Variants in EXO5 observed in about 807,000 individuals in gnomAD.
The protein encoded by EXO5 is exonuclease V.
EXO5 carries 11 observed loss-of-function variants against 17.8 expected under a neutral mutation model. The observed-to-expected ratio is 0.62, with a 90% CI of 0.39 to 1.02. EXO5 has a LOEUF of 1.02. Among genes scored for constraint, EXO5 ranks in the 50% least tolerant of loss-of-function variants. The pLI, the probability that EXO5 is intolerant of heterozygous loss-of-function variation, is 0.00. For missense variants in EXO5, 364 were observed against 434.8 expected (o/e 0.84, Z 1.45); for synonymous variants, 147 against 166.5 (o/e 0.88, Z 0.90).
At chr1:40,511,706 A>G (rs987284843) in intron 3 of EXO5, among the ~76,000 whole-genome samples, 1 of 152,182 alleles carries the variant, frequency 6.6e-6, no homozygotes, top group Non-Finnish European at 1.5e-5. Context: ...AGCTATCTCT[A>G]TCAGCTAAAA....
At position 40,515,207 on chromosome 1, in the gene EXO5, C is replaced by A. The variant is rs770404101; in HGVS notation, c.663C>A (p.Tyr221Ter). 1.9e-6 allele frequency: 3 copies of A among 1,614,032 alleles called. No homozygotes were observed. Among genetic ancestry groups the A allele is most frequent in the East Asian group, 2.2e-5 (1 of 44,870 alleles). ...KKKDCFQVSL[Y>*]KYIFDAMVQG... Reference sequence around the variant, plus strand: ...AAGACTGTTTTCAAGTCAGCCTATACAAATATATCTTTGATGCCATGGTAC... The same window carrying A: ...AAGACTGTTTTCAAGTCAGCCTATAAAAATATATCTTTGATGCCATGGTAC... Residue 221 changes from tyrosine (Y) to a stop codon, truncating the protein, a stop_gained, in exon 4 of 4, where the codon TAC (tyrosine) becomes TAA (stop). Coordinates refer to ENST00000415550, the MANE Select transcript of EXO5 (RefSeq NM_001346953.2). LOFTEE classifies it high-confidence loss of function.
Position 40,512,157 on chromosome 1 carries a change from G to A in EXO5, c.-30-2358G>A, listed in dbSNP as rs140465546. Among the ~76,000 whole-genome samples the A allele has an allele frequency of 5.2e-4, 79 of 152,296 alleles. 1 individual carries two copies. The East Asian group carries it at 0.012, about 23-fold the overall frequency. ...CTCCCAAAGTGCTGGGATTACAGGC[G>A]TGAACCACTGCGCTTGGCCGCCCAG... On this transcript the variant is annotated intron_variant, in intron 3 of 3. Coordinates refer to ENST00000415550, the MANE Select transcript of EXO5 (RefSeq NM_001346953.2).
At position 40,514,763 on chromosome 1, in the gene EXO5, G is replaced by GGA. The variant is rs1645847642; in HGVS notation, c.224_225dup (p.Phe76AspfsTer48). ...GAGGATTGGATATATTATCACCCAT[G>GGA]GAGAGATTCCACCTTAAATATTTAT... On this transcript the variant is annotated frameshift_variant, in exon 4 of 4. Transcript: ENST00000415550. LOFTEE classifies it high-confidence loss of function. 6.2e-7 allele frequency: 1 copy of GGA among 1,614,040 alleles called. No homozygotes were observed. The highest frequency in any genetic ancestry group is 1.3e-5 in the African/African-American group (1 of 74,916).
In EXO5 at chr1:40,515,761, T is replaced by G; in HGVS notation, c.*95T>G. On this transcript the variant is annotated 3_prime_UTR_variant, in exon 4 of 4. Transcript: ENST00000415550. ...CTCTGAGCTTGGCTTTTATGGAGAG[T>G]GTTCTTATTTTGGTTCTTTTTTTTA... 7.3e-7 allele frequency: 1 copy of G among 1,375,088 alleles called. No homozygotes were observed. Among genetic ancestry groups the G allele is most frequent in the Admixed American group, 2.4e-5 (1 of 41,104 alleles). The allele number at this position is 1,375,088 out of a possible 1,614,324, so 85.2% of individuals were successfully genotyped here. A position where few individuals can be genotyped will look rare whatever the true frequency, so the allele number is the denominator to read the frequency against.
chr1:40,512,098 C>T (rs1645789806), intron 3 of EXO5, among the ~76,000 whole-genome samples: 2 of 152,124 alleles, frequency 1.3e-5, no homozygotes, highest in African/African-American at 4.8e-5. Context: ...AGGATGGTCT[C>T]GATCTCCTGA....
rs1645842962 is a variant in EXO5, at chr1:40,514,584, GCCTC to G, written c.41_44del (p.Ala14GlufsTer6). On this transcript the variant is annotated frameshift_variant, in exon 4 of 4. Transcript: ENST00000415550. LOFTEE classifies it high-confidence loss of function. ...AGAAGAGGAGACAGTGTCAGCAGAA[GCCTC>G]AGGGTTCTCAGACTTGAGTGACTCA... 1 of 1,613,962 alleles carries G rather than the reference GCCTC, an allele frequency of 6.2e-7. No homozygotes were observed. The highest frequency in any genetic ancestry group is 1.7e-5 in the Admixed American group (1 of 59,968).
rs1031042872 is a variant in EXO5 at position 40,509,731 on chromosome 1, A to G, written c.-88-2A>G. On this transcript the variant is annotated splice_acceptor_variant, in intron 2 of 3. Transcript: ENST00000415550. LOFTEE classifies it low-confidence loss of function (5UTR_SPLICE). ...CTTTCAGAACTTCTTTCTCTTCCCT[A>G]GCCTTGTCATTTCAGCATTCTGGCC... 3.9e-5 allele frequency: 6 copies of G among 152,232 alleles called. No individual in the cohort carries two copies. The highest frequency in any genetic ancestry group is 1.4e-4 in the African/African-American group (6 of 41,460). The allele number at this position is 152,232 out of a possible 1,614,324, so 9.4% of individuals were successfully genotyped here.
rs759940866 is a variant in EXO5, at chr1:40,514,881, G to T, written c.337G>T (p.Val113Leu). The change falls in exon 4 of 4, where the codon GTG (valine) becomes TTG (leucine). Residue 113 changes from valine (V) to leucine (L), a missense_variant. By Grantham distance (32) the Val-to-Leu change is conservative (BLOSUM62 1). Coordinates refer to ENST00000415550, the MANE Select transcript of EXO5 (RefSeq NM_001346953.2). ...PGFLAPEKAA[V>L]LDTGASIHLA... is the part of the protein sequence containing the mutation. ...TTTCTTGGCACCTGAGAAGGCAGCTGTGTTGGACACTGGTGCCAGCATACA... is the reference window on the plus strand; with the variant it reads ...TTTCTTGGCACCTGAGAAGGCAGCTTTGTTGGACACTGGTGCCAGCATACA... 4.3e-6 allele frequency: 7 copies of T among 1,614,078 alleles called. No individual in the cohort carries two copies. The highest frequency in any genetic ancestry group is 1.3e-5 in the African/African-American group (1 of 74,944).
chr1:40,514,676 T>C lies in EXO5; in HGVS notation c.132T>C (p.Pro44=). 1 of 1,614,188 alleles carries C rather than the reference T, an allele frequency of 6.2e-7. No individual in the cohort carries two copies. The highest frequency in any genetic ancestry group is 1.7e-5 in the Admixed American group (1 of 60,016). The change falls in exon 4 of 4, where the codon CCT becomes CCC. Residue 44 remains proline (P), a synonymous_variant. Coordinates refer to ENST00000415550, the MANE Select transcript of EXO5 (RefSeq NM_001346953.2). ...AGTCAAAGGCTTTAGTTAACATGCC[T>C]GGCCCATCTTCTGAATCCCTTGGGA... is the stretch of plus-strand genomic sequence containing the variant. ...AQESKALVNM[P]GPSSESLGKD...
intron 3 of EXO5, 153 bp from the exon 4 acceptor site, chr1:40,514,362 C>G: frequency 1.7e-6 from 1 of 591,316 alleles, no homozygotes; most frequent in South Asian, 2.2e-5. Flanking sequence ...GACTATAACT[C>G]AAGGCATTAC....
chr1:40,514,275 G>A (rs1197757676), intron 3 of EXO5, among the ~76,000 whole-genome samples: 4 of 147,784 alleles, frequency 2.7e-5, no homozygotes, highest in East Asian at 4.0e-4. Context: ...GCGAGACTCC[G>A]TCTCAAAAAA....
intron 3 of EXO5, among the ~76,000 whole-genome samples, chr1:40,511,478 T>C (rs1645776558): frequency 6.6e-6 from 1 of 152,242 alleles, no homozygotes; most frequent in Non-Finnish European, 1.5e-5. Flanking sequence ...AGTCTTACTA[T>C]TGTATTATTT....
intron 3 of EXO5, among the ~76,000 whole-genome samples, chr1:40,512,394 T>C (rs1033499099): frequency 1.5e-5 from 2 of 135,792 alleles, no homozygotes; most frequent in Non-Finnish European, 1.5e-5. Flanking sequence ...ATTGTGGTTA[T>C]GAAGAAGAAT....
intron 3 of EXO5, among the ~76,000 whole-genome samples, chr1:40,513,837 C>T (rs1421689002): frequency 6.6e-6 from 1 of 151,982 alleles, no homozygotes; most frequent in East Asian, 2.0e-4. Flanking sequence ...GATCTGCCCA[C>T]CTCAGCCTCC....
In EXO5 at chr1:40,514,793, C is replaced by T. The variant is rs753968355; in HGVS notation, c.249C>T (p.Val83=). 6.2e-7 allele frequency: 1 copy of T among 1,614,174 alleles called. No homozygotes were observed. The highest frequency in any genetic ancestry group is 8.5e-7 in the Non-Finnish European group (1 of 1,180,026). Residue 83 remains valine, a synonymous_variant, in exon 4 of 4, where the codon GTC becomes GTT. Coordinates refer to ENST00000415550, the MANE Select transcript of EXO5 (RefSeq NM_001346953.2). ...MERFHLKYLY[V]TDLATQNWCE... is the part of the protein sequence containing the mutation. ...GATTCCACCTTAAATATTTATATGT[C>T]ACTGACCTGGCTACTCAGAACTGGT...
Position 40,515,344 on chromosome 1 carries a change from C to G in EXO5, c.800C>G (p.Ser267Cys), listed in dbSNP as rs369463736. 1 of 1,614,034 alleles carries G rather than the reference C, an allele frequency of 6.2e-7. No individual in the cohort carries two copies. The highest frequency in any genetic ancestry group is 8.5e-7 in the Non-Finnish European group (1 of 1,180,022). ...CAGCAGGGAGGCTTCTCTGTGAAGTCTTTGGGTGACCTCATGGAACTTGTC... is the reference window on the plus strand; with the variant it reads ...CAGCAGGGAGGCTTCTCTGTGAAGTGTTTGGGTGACCTCATGGAACTTGTC... ...HAQQGGFSVKSLGDLMELVFL... is the reference protein window; with the variant it reads ...HAQQGGFSVKCLGDLMELVFL... Residue 267 changes from serine to cysteine, a missense_variant, in exon 4 of 4, where the codon TCT (serine) becomes TGT (cysteine). Physicochemically the swap from Ser to Cys is moderately radical, Grantham distance 112 (BLOSUM62 -1). Coordinates refer to ENST00000415550, the MANE Select transcript of EXO5 (RefSeq NM_001346953.2).
chr1:40,512,760 C>T (rs1645802866), intron 3 of EXO5, among the ~76,000 whole-genome samples: 1 of 152,118 alleles, frequency 6.6e-6, no homozygotes, highest in Admixed American at 6.6e-5. Context: ...CGCCACCACA[C>T]CCGGCTAATT....
intron 3 of EXO5, among the ~76,000 whole-genome samples, chr1:40,511,866 GTTTCTTT>G (rs984447614): frequency 2.7e-5 from 4 of 149,620 alleles, no homozygotes; most frequent in African/African-American, 7.5e-5. Context: ...AATTTGCCTA[GTTTCTTT>G]TTTCTTTTTT....
chr1:40,511,176 A>G (rs926592737), intron 3 of EXO5, among the ~76,000 whole-genome samples: 5 of 152,210 alleles, frequency 3.3e-5, no homozygotes, highest in African/African-American at 1.2e-4. Context: ...CAGAGCTTGC[A>G]GTGAGCTGAG....
Sources: gnomAD v4.1 joint callset for allele counts (sites outside exome capture counted in the v4.1 genomes callset) on GRCh38, gnomAD v4.1.1 for gene constraint, MANE v1.5 for transcripts, NCBI Gene and HGNC (gene_info 2026-07-23, HGNC 2026-07-21) for gene names.